Variants in ZC3H8 observed in about 807,000 individuals in gnomAD.
ZC3H8 encodes the protein zinc finger CCCH-type containing 8.
Under a neutral mutation model 42.5 loss-of-function variants are expected in ZC3H8, and 27 were observed. The observed-to-expected ratio is 0.64, with a 90% CI of 0.47 to 0.88. ZC3H8 has a LOEUF of 0.88. ZC3H8 is among the 40% of genes least tolerant of loss of function. ZC3H8 has a pLI of 0.00. For missense variants in ZC3H8, 277 were observed against 336.1 expected (o/e 0.82, Z 1.37); for synonymous variants, 101 against 110.1 (o/e 0.92, Z 0.52).
intron 2 of ZC3H8, among the ~76,000 whole-genome samples, chr2:112,242,385 T>G (rs1685614941): frequency 6.6e-6 from 1 of 152,232 alleles, no homozygotes; most frequent in African/African-American, 2.4e-5. Flanking sequence ...CATTTATATA[T>G]TATATGGCCT....
intron 2 of ZC3H8, among the ~76,000 whole-genome samples, chr2:112,249,168 C>T (rs1685859766): frequency 6.6e-6 from 1 of 152,148 alleles, no homozygotes; most frequent in African/African-American, 2.4e-5. Context: ...TGCACTCCAA[C>T]CTGGGTGACA....
intron 6 of ZC3H8, 36 bp from the exon 7 acceptor site, chr2:112,231,983 C>A: frequency 8.1e-7 from 1 of 1,228,584 alleles, no homozygotes; most frequent in Admixed American, 2.1e-5. Context: ...CAATTTTAAT[C>A]CAATTGAAAT....
At position 112,255,018 on chromosome 2, in the gene ZC3H8, C is replaced by T; in HGVS notation, c.-37G>A. On this transcript the variant is annotated 5_prime_UTR_variant, in exon 1 of 9. Coordinates refer to ENST00000409573, the MANE Select transcript of ZC3H8 (RefSeq NM_032494.3). ...GTCCTCCCTTTCGCGAGCCGGGAAG[C>T]TACAGAGTAACAACCCGAGAGAGTG... is the stretch of plus-strand genomic sequence containing the variant. 1 of 1,572,954 alleles carries T rather than the reference C, an allele frequency of 6.4e-7. No individual in the cohort carries two copies. Among genetic ancestry groups the T allele is most frequent in the African/African-American group, 1.4e-5 (1 of 73,964 alleles).
chr2:112,238,573 C>G (rs780853069), intron 2 of ZC3H8, 45 bp from the exon 3 acceptor site: 2 of 1,494,348 alleles, frequency 1.3e-6, no homozygotes, highest in African/African-American at 2.8e-5. Context: ...TAGCATGATT[C>G]AAAACAATCT....
chr2:112,229,889 AG>A (rs2104651535), intron 8 of ZC3H8, among the ~76,000 whole-genome samples: 1 of 152,178 alleles, frequency 6.6e-6, no homozygotes, highest in Admixed American at 6.5e-5. Context: ...ACACAAAAGT[AG>A]GCATAAACAA....
chr2:112,215,161 C>A lies in ZC3H8; in HGVS notation c.*1323G>T, dbSNP rs1329459170. On this transcript the variant is annotated 3_prime_UTR_variant, in exon 9 of 9. Coordinates refer to ENST00000409573, the MANE Select transcript of ZC3H8 (RefSeq NM_032494.3). ...GTATAAGATTAACTACAAGTATTGACAAGGCTCATGAAAATTAAAAAATTA... is the reference window on the plus strand; with the variant it reads ...GTATAAGATTAACTACAAGTATTGAAAAGGCTCATGAAAATTAAAAAATTA... 1 of 152,092 alleles carries A rather than the reference C, an allele frequency of 6.6e-6. No homozygotes were observed. Among genetic ancestry groups the A allele is most frequent in the Non-Finnish European group, 1.5e-5 (1 of 68,012 alleles). 9.4% of individuals were successfully genotyped at this position (152,092 alleles called of 1,614,324 possible). A position where few individuals can be genotyped will look rare whatever the true frequency, so the allele number is the denominator to read the frequency against.
At chr2:112,228,082 T>TAAGG (rs1354385244) in intron 8 of ZC3H8, among the ~76,000 whole-genome samples, 10 of 152,224 alleles carry the variant, frequency 6.6e-5, no homozygotes, top group Admixed American at 3.3e-4. Context: ...TGATAGTGTA[T>TAAGG]AAGGACACAC....
chr2:112,223,382 T>C (rs1684679316), intron 8 of ZC3H8, among the ~76,000 whole-genome samples: 1 of 151,794 alleles, frequency 6.6e-6, no homozygotes, highest in African/African-American at 2.4e-5. Flanking sequence ...CAAACAATCC[T>C]CAAGAATAGA....
intron 2 of ZC3H8, among the ~76,000 whole-genome samples, chr2:112,240,952 AGTGTGTGTGTGTGTGT>A (rs67273091): frequency 2.1e-5 from 3 of 142,604 alleles, no homozygotes; most frequent in Non-Finnish European, 3.0e-5. Context: ...TACAGGTAAC[AGTGTGTGTGTGTGTGT>A]GTGTGTGTGT....
At chr2:112,245,126 T>C (rs1317150390) in intron 2 of ZC3H8, among the ~76,000 whole-genome samples, 1 of 152,222 alleles carries the variant, frequency 6.6e-6, no homozygotes, top group African/African-American at 2.4e-5. Context: ...AACACACTAA[T>C]GATATGAACA....
chr2:112,228,015 C>T (rs536448399), intron 8 of ZC3H8, among the ~76,000 whole-genome samples: 2 of 152,342 alleles, frequency 1.3e-5, no homozygotes, highest in East Asian at 3.9e-4. Context: ...CAAAGCTAGA[C>T]AGCTTACGCT....
chr2:112,221,696 G>A (rs1459456493), intron 8 of ZC3H8, among the ~76,000 whole-genome samples: 5 of 152,016 alleles, frequency 3.3e-5, no homozygotes, highest in Admixed American at 6.5e-5. Context: ...CTTCTAGTGT[G>A]TTCTTCAGCT....
At chr2:112,217,362 CAAAAA>C (rs537076885) in intron 8 of ZC3H8, among the ~76,000 whole-genome samples, 1 of 148,694 alleles carries the variant, frequency 6.7e-6, no homozygotes, top group Non-Finnish European at 1.5e-5. Flanking sequence ...GACTCCATCT[CAAAAA>C]AAAAGAAAAG....
At chr2:112,233,711 C>CA (rs1685192334) in intron 5 of ZC3H8, among the ~76,000 whole-genome samples, 1 of 151,690 alleles carries the variant, frequency 6.6e-6, no homozygotes, top group African/African-American at 2.4e-5. Context: ...ACTAACAATA[C>CA]AAAAAAAATT....
At chr2:112,229,806 C>G (rs1400587173) in intron 8 of ZC3H8, among the ~76,000 whole-genome samples, 1 of 151,828 alleles carries the variant, frequency 6.6e-6, no homozygotes, top group Non-Finnish European at 1.5e-5. Context: ...CAGCAAAGCT[C>G]CAAAACTTAA....
At chr2:112,242,460 C>T (rs1256484175) in intron 2 of ZC3H8, among the ~76,000 whole-genome samples, 2 of 152,194 alleles carry the variant, frequency 1.3e-5, no homozygotes, top group Non-Finnish European at 2.9e-5. Flanking sequence ...CTCATCACTT[C>T]GTAGAGATGC....
chr2:112,254,920 T>A lies in ZC3H8; in HGVS notation c.62A>T (p.Asp21Val). ...GATATGGGATCACCTTTCGTCAGAG[T>A]CCGTGGCCGTTTTGCCGAGGGCCGG... ...PNPALGKTAT[D>V]SDERIDDEID... Residue 21 changes from aspartate to valine, a missense_variant, in exon 1 of 9, where the codon GAC becomes GTC. Physicochemically the swap from Asp to Val is radical, Grantham distance 152. Transcript: ENST00000409573. The A allele has an allele frequency of 6.2e-7, 1 of 1,613,396 alleles. No individual in the cohort carries two copies. Among genetic ancestry groups the A allele is most frequent in the Non-Finnish European group, 8.5e-7 (1 of 1,179,608 alleles).
chr2:112,236,466 T>G, intron 4 of ZC3H8, 96 bp downstream of exon 4: 1 of 1,492,662 alleles, frequency 6.7e-7, no homozygotes, highest in Non-Finnish European at 9.0e-7. Flanking sequence ...TGCTTCCACC[T>G]CTCCATATCA....
In ZC3H8 at chr2:112,214,310, T is replaced by G. The variant is rs1684247125; in HGVS notation, c.*2174A>C. On this transcript the variant is annotated 3_prime_UTR_variant, in exon 9 of 9. Transcript: ENST00000409573. ...CTGCTTCCTTTCTGGTATTGAGAGG[T>G]AAGTAGTTGATCACTTTATCCCGTT... is the stretch of plus-strand genomic sequence containing the variant. 6.6e-6 allele frequency: 1 copy of G among 152,098 alleles called. No individual in the cohort carries two copies. Among genetic ancestry groups the G allele is most frequent in the African/African-American group, 2.4e-5 (1 of 41,402 alleles). The allele number at this position is 152,098 out of a possible 1,614,324, so 9.4% of individuals were successfully genotyped here.
Sources: allele counts gnomAD v4.1 joint callset (sites outside exome capture counted in the v4.1 genomes callset), GRCh38; gene constraint gnomAD v4.1.1; transcripts MANE v1.5; gene names NCBI Gene and HGNC (gene_info 2026-07-23, HGNC 2026-07-21).